SYCP2L: variants seen among roughly 807,000 people sequenced by gnomAD.
SYCP2L encodes the protein synaptonemal complex protein 2-like.
SYCP2L carries 98 observed loss-of-function variants against 125.8 expected under a neutral mutation model. The observed-to-expected ratio is 0.78, with a 90% CI of 0.66 to 0.92. The LOEUF (loss-of-function observed/expected upper bound fraction) is 0.92, where lower values mean the gene tolerates loss of function less well. SYCP2L is among the 40% of genes least tolerant of loss of function. The pLI, the probability that SYCP2L is intolerant of heterozygous loss-of-function variation, is 0.00. For synonymous variants in SYCP2L, 317 were observed against 325.4 expected, an observed-to-expected ratio of 0.97 and a Z score of 0.28; for missense variants, 842 against 936.4, an observed-to-expected ratio of 0.90 and a Z score of 1.32.
chr6:10,965,093 T>C (rs1781657100), intron 29 of SYCP2L, among the ~76,000 whole-genome samples: 1 of 152,050 alleles, frequency 6.6e-6, no homozygotes, highest in Non-Finnish European at 1.5e-5. Context: ...TAGGAATAGA[T>C]TAGGATAATA....
At position 10,942,742 on chromosome 6, in the gene SYCP2L, CA is replaced by C; in HGVS notation, c.1953del (p.Asp652ThrfsTer27). On this transcript the variant is annotated frameshift_variant, in exon 23 of 30. Coordinates refer to ENST00000283141, the MANE Select transcript of SYCP2L (RefSeq NM_001040274.3). LOFTEE classifies it high-confidence loss of function. ...AACATAAGCTGAGAAACTTGGAAGA[CA>C]AAGGTAAGAGAATAGTACTTTTTTT... ...LKHKLRNLED[K>X]DIPEGSFAKS... The C allele has an allele frequency of 6.3e-7, 1 of 1,580,116 alleles. No individual in the cohort carries two copies. Among genetic ancestry groups the C allele is most frequent in the Non-Finnish European group, 8.6e-7 (1 of 1,164,064 alleles).
At chr6:10,951,213 T>C (rs9368495) in intron 23 of SYCP2L, among the ~76,000 whole-genome samples, 144,721 of 152,044 alleles carry the variant, frequency 0.95, 69,214 homozygotes, top group East Asian at 1. Flanking sequence ...TGCTTGAGCT[T>C]AGGAGTTCAA....
chr6:10,910,702 T>C, intron 11 of SYCP2L, 122 bp from the exon 12 acceptor site: 3 of 1,033,826 alleles, frequency 2.9e-6, no homozygotes, highest in Non-Finnish European at 4.5e-6. Context: ...AAACCCCCTA[T>C]TGTACTCTGT....
At chr6:10,919,606 G>A (rs1205217970) in intron 14 of SYCP2L, among the ~76,000 whole-genome samples, 1 of 152,006 alleles carries the variant, frequency 6.6e-6, no homozygotes, top group Admixed American at 6.5e-5. Flanking sequence ...AGTGTAGGGA[G>A]GAACAGGCGG....
chr6:10,970,030 T>C (rs1263824378), intron 29 of SYCP2L, among the ~76,000 whole-genome samples: 1 of 152,164 alleles, frequency 6.6e-6, no homozygotes, highest in African/African-American at 2.4e-5. Context: ...ATGGTGTACA[T>C]TCTATAGGAT....
In SYCP2L at chr6:10,942,501, A is replaced by G. The variant is rs985798899; in HGVS notation, c.1856A>G (p.Lys619Arg). ...TCACTGAGTGAGCTCTCTTCCTTGA[A>G]GCACTCAGAAGATGAAGAAAAACCT... ...PHSLSELSSL[K>R]HSEDEEKPKI... The change falls in exon 22 of 30, where the codon AAG becomes AGG. Residue 619 changes from lysine to arginine, a missense_variant. By Grantham distance (26) the Lys-to-Arg change is conservative. Coordinates refer to ENST00000283141, the MANE Select transcript of SYCP2L (RefSeq NM_001040274.3). 2 of 1,602,652 alleles carry G rather than the reference A, an allele frequency of 1.2e-6. No individual in the cohort carries two copies. The highest frequency in any genetic ancestry group is 1.7e-6 in the Non-Finnish European group (2 of 1,176,532).
intron 4 of SYCP2L, among the ~76,000 whole-genome samples, chr6:10,895,453 T>C (rs531291521): frequency 8.7e-4 from 133 of 152,278 alleles, no homozygotes; most frequent in Non-Finnish European, 1.5e-3. Context: ...TTTTTCTTTT[T>C]AGATAGGGTG....
rs57417123 is a variant in SYCP2L at position 10,891,605 on chromosome 6, ATC to A, written c.78+32_78+33del. The A allele has an allele frequency of 3.9e-3, 3,310 of 845,044 alleles. 66 individuals are homozygous for A. In the African/African-American group the frequency reaches 0.062, roughly 16 times the overall value. 52.3% of individuals were successfully genotyped at this position (845,044 alleles called of 1,614,324 possible). ...GGGTAAAGATCAAGTTTCTTTTATA[ATC>A]TCTCTCTGTGTGTGTGTGTGTGTGT... On this transcript the variant is annotated intron_variant, in intron 2 of 29. Transcript: ENST00000283141.
At chr6:10,889,919 C>T (rs775432800) in intron 1 of SYCP2L, among the ~76,000 whole-genome samples, 48 of 152,258 alleles carry the variant, frequency 3.2e-4, no homozygotes, top group Admixed American at 1.6e-3. Context: ...CGCACCCGGC[C>T]GAGATCAGCT....
intron 21 of SYCP2L, among the ~76,000 whole-genome samples, chr6:10,935,861 A>G (rs924645831): frequency 1.3e-5 from 2 of 152,172 alleles, no homozygotes; most frequent in African/African-American, 2.4e-5. Context: ...GGCCATGGAT[A>G]AGATGTAAGC....
chr6:10,917,355 G>A (rs1441457374), intron 14 of SYCP2L, among the ~76,000 whole-genome samples: 1 of 152,182 alleles, frequency 6.6e-6, no homozygotes, highest in Non-Finnish European at 1.5e-5. Flanking sequence ...GTTTAGGATT[G>A]TGATATTTTT....
rs371281843 is a variant in SYCP2L at position 10,931,150 on chromosome 6, G to A, written c.1634-290G>A. Among the ~76,000 whole-genome samples, 80 of 152,332 alleles carry A rather than the reference G, an allele frequency of 5.3e-4. 1 individual carries two copies. In the South Asian group the frequency reaches 0.016, roughly 31 times the overall value. The stretch of plus-strand genomic sequence containing the variant: ...CGTGCCACTGCACTGCAGCTCAGGC[G>A]ACAGAGTGAGACCCTGTCTCAAACG... On this transcript the variant is annotated intron_variant, in intron 19 of 29. Coordinates refer to ENST00000283141, the MANE Select transcript of SYCP2L (RefSeq NM_001040274.3).
intron 14 of SYCP2L, among the ~76,000 whole-genome samples, chr6:10,923,875 A>G (rs1404571855): frequency 2.0e-5 from 3 of 151,044 alleles, no homozygotes; most frequent in Admixed American, 1.3e-4. Flanking sequence ...TAGCAGAGAC[A>G]GGGTTTCACC....
At chr6:10,890,996 A>G (rs1400234646) in intron 1 of SYCP2L, among the ~76,000 whole-genome samples, 4 of 152,196 alleles carry the variant, frequency 2.6e-5, no homozygotes, top group Non-Finnish European at 5.9e-5. Context: ...ATAAAAAAGT[A>G]GATTTATTTT....
chr6:10,934,499 C>T (rs1296662389), intron 20 of SYCP2L, among the ~76,000 whole-genome samples: 1 of 152,038 alleles, frequency 6.6e-6, no homozygotes, highest in African/African-American at 2.4e-5. Flanking sequence ...GCCAACATGG[C>T]GAAACCCCAT....
At chr6:10,889,616 CTTTTTTTTT>C (rs34273350) in intron 1 of SYCP2L, among the ~76,000 whole-genome samples, 3 of 101,412 alleles carry the variant, frequency 3.0e-5, no homozygotes, top group Admixed American at 9.9e-5. Flanking sequence ...TGAGATCAGC[CTTTTTTTTT>C]TTTTTTTTTT....
chr6:10,914,664 A>G (rs892099311), intron 14 of SYCP2L, among the ~76,000 whole-genome samples: 33 of 150,866 alleles, frequency 2.2e-4, no homozygotes, highest in South Asian at 6.2e-4. Context: ...TGTGTCGTCT[A>G]TGATTTCTTT....
At position 10,970,752 on chromosome 6, in the gene SYCP2L, G is replaced by A. The variant is rs146701952; in HGVS notation, c.*38-3200G>A. ...TTCAGCATCTGAATGGCATTGTCAT[G>A]TAGGTAACTGGATATCTGAGACTGA... On this transcript the variant is annotated intron_variant, in intron 29 of 29. Coordinates refer to ENST00000283141, the MANE Select transcript of SYCP2L (RefSeq NM_001040274.3). 3.2e-3 allele frequency among the ~76,000 whole-genome samples: 490 copies of A among 152,306 alleles called. 3 individuals are homozygous for A. The highest frequency in any genetic ancestry group is 0.011 in the African/African-American group (470 of 41,574).
chr6:10,924,716 G>GT lies in SYCP2L; in HGVS notation c.1218+79dup, dbSNP rs1780868087. On this transcript the variant is annotated intron_variant, in intron 15 of 29. Coordinates refer to ENST00000283141, the MANE Select transcript of SYCP2L (RefSeq NM_001040274.3). The stretch of plus-strand genomic sequence containing the variant: ...CATGTCTATTAAATGTCCTTGTTGG[G>GT]TTTTGATGTGAATATTTGATAAAGC... The GT allele has an allele frequency of 5.5e-6, 7 of 1,266,426 alleles. No individual in the cohort carries two copies. In the South Asian group the frequency reaches 1.6e-4, roughly 30 times the overall value. The allele number at this position is 1,266,426 out of a possible 1,614,324, so 78.4% of individuals were successfully genotyped here.
Sources: allele counts gnomAD v4.1 joint callset (sites outside exome capture counted in the v4.1 genomes callset), GRCh38; gene constraint gnomAD v4.1.1; transcripts MANE v1.5; gene names NCBI Gene and HGNC (gene_info 2026-07-23, HGNC 2026-07-21).